The following CTNNA3 variants were observed in gnomAD, a reference collection of about 807,000 sequenced individuals.
The protein encoded by CTNNA3 is catenin alpha 3, also known as catenin alpha-3.
CTNNA3 carries 76 observed loss-of-function variants against 95.7 expected under a neutral mutation model. That is an observed-to-expected ratio of 0.79 (90% confidence interval 0.66 to 0.96). CTNNA3 has a LOEUF of 0.96. Ranked by LOEUF, CTNNA3 falls within the 40% of genes least tolerant of loss-of-function variation. CTNNA3 has a pLI of 0.00. For synonymous variants in CTNNA3, 431 were observed against 374.4 expected (o/e 1.15, Z -1.74); for missense variants, 1,191 against 1,089.8 (o/e 1.09, Z -1.31).
At chr10:66,870,888 C>CCTCA (rs1844374832) in intron 7 of CTNNA3, among the ~76,000 whole-genome samples, 1 of 151,898 alleles carries the variant, frequency 6.6e-6, no homozygotes, top group Admixed American at 6.6e-5. Flanking sequence ...TTTGGAACAC[C>CCTCA]CTCACCATTG....
intron 12 of CTNNA3, among the ~76,000 whole-genome samples, chr10:66,360,917 T>C (rs1346907504): frequency 8.8e-6 from 1 of 113,888 alleles, no homozygotes; most frequent in Non-Finnish European, 2.0e-5. Flanking sequence ...CTCTCTCTCT[T>C]TCTTCCTTTC....
chr10:67,278,645 T>C (rs1005843595), intron 5 of CTNNA3, among the ~76,000 whole-genome samples: 4 of 152,136 alleles, frequency 2.6e-5, no homozygotes, highest in African/African-American at 9.7e-5. Flanking sequence ...TTATCAGACC[T>C]AAAAACTTAC....
intron 10 of CTNNA3, among the ~76,000 whole-genome samples, chr10:66,603,559 A>C (rs1226862037): frequency 1.3e-5 from 2 of 152,164 alleles, no homozygotes; most frequent in Non-Finnish European, 2.9e-5. Context: ...AATATTAATG[A>C]TATTCTTCAG....
chr10:66,686,782 C>A (rs1406517502), intron 9 of CTNNA3, among the ~76,000 whole-genome samples: 1 of 151,994 alleles, frequency 6.6e-6, no homozygotes, highest in Non-Finnish European at 1.5e-5. Flanking sequence ...AGAGAGAAAC[C>A]AAATAAGGAC....
chr10:67,761,802 C>G (rs1485472247), intron 1 of CTNNA3, among the ~76,000 whole-genome samples: 2 of 151,366 alleles, frequency 1.3e-5, no homozygotes, highest in Non-Finnish European at 2.9e-5. Flanking sequence ...AGCATGAACC[C>G]ACGAGGCGGA....
At chr10:66,090,223 C>A (rs187453719) in intron 14 of CTNNA3, among the ~76,000 whole-genome samples, 90 of 152,004 alleles carry the variant, frequency 5.9e-4, no homozygotes, top group African/African-American at 2.0e-3. Flanking sequence ...GGACTTTGTA[C>A]ATAGGAGGAA....
intron 5 of CTNNA3, among the ~76,000 whole-genome samples, chr10:67,289,863 T>C (rs1839765031): frequency 6.6e-6 from 1 of 151,798 alleles, no homozygotes; most frequent in South Asian, 2.1e-4. Flanking sequence ...CATGATGGAG[T>C]GGAGTGGCTC....
intron 7 of CTNNA3, chr10:66,926,074 G>A (rs903584524): frequency 2.2e-6 from 1 of 457,582 alleles, no homozygotes; most frequent in Non-Finnish European, 4.4e-6. Context: ...GTCTGCAGAA[G>A]TGAGCTGAGC....
chr10:66,159,509 C>T (rs1223695978), intron 13 of CTNNA3, among the ~76,000 whole-genome samples: 1 of 151,842 alleles, frequency 6.6e-6, no homozygotes, highest in Non-Finnish European at 1.5e-5. Flanking sequence ...ATGAAACCCA[C>T]TTGATCATGG....
At chr10:66,982,374 G>T (rs1262561548) in intron 7 of CTNNA3, among the ~76,000 whole-genome samples, 2 of 152,118 alleles carry the variant, frequency 1.3e-5, no homozygotes, top group East Asian at 3.9e-4. Flanking sequence ...GGGTGACTCA[G>T]GCAAGTTACT....
chr10:67,563,559 T>C (rs150267244), intron 3 of CTNNA3, among the ~76,000 whole-genome samples: 2,582 of 152,200 alleles, frequency 0.017, 32 homozygotes, highest in Non-Finnish European at 0.026. Context: ...ACCTAGGCAT[T>C]ACCATTCAGG....
chr10:66,316,558 C>T (rs995538967), intron 12 of CTNNA3, among the ~76,000 whole-genome samples: 7 of 151,988 alleles, frequency 4.6e-5, no homozygotes, highest in East Asian at 1.9e-4. Flanking sequence ...CACACCCACA[C>T]TCACTCTGAT....
At position 66,171,142 on chromosome 10, in the gene CTNNA3, G is replaced by A. The variant is rs1284503005; in HGVS notation, c.1885-67893C>T. ...AGGAAGACTCTATCTCCAAAAAAAA[G>A]AAATATCTCACAATGACCTGAAAGA... On this transcript the variant is annotated intron_variant, in intron 13 of 17. Coordinates refer to ENST00000433211, the MANE Select transcript of CTNNA3 (RefSeq NM_013266.4). 2.0e-5 allele frequency among the ~76,000 whole-genome samples: 3 copies of A among 151,004 alleles called. No homozygotes were observed. In the East Asian group the frequency reaches 5.9e-4, roughly 30 times the overall value.
At chr10:67,402,242 G>T (rs754939777) in intron 5 of CTNNA3, among the ~76,000 whole-genome samples, 4 of 152,166 alleles carry the variant, frequency 2.6e-5, no homozygotes, top group Non-Finnish European at 5.9e-5. Flanking sequence ...CACTTAAAGA[G>T]AGACAAAAAC....
intron 15 of CTNNA3, among the ~76,000 whole-genome samples, chr10:65,993,971 C>G (rs749929755): frequency 1.3e-5 from 2 of 152,094 alleles, no homozygotes; most frequent in East Asian, 3.9e-4. Context: ...CCTGACCTCG[C>G]GATCTGCCCA....
chr10:67,013,946 A>G (rs1852492428), intron 7 of CTNNA3, among the ~76,000 whole-genome samples: 1 of 152,138 alleles, frequency 6.6e-6, no homozygotes, highest in African/African-American at 2.4e-5. Flanking sequence ...CAAGGTCTAA[A>G]AACCCACTAA....
At chr10:67,720,128 G>GTTTTTTTTTTTTTTTTTT (rs1564839853) in intron 1 of CTNNA3, among the ~76,000 whole-genome samples, 4 of 2,660 alleles carry the variant, frequency 1.5e-3, no homozygotes, top group Admixed American at 3.8e-3. Context: ...TGCAACCCCT[G>GTTTTTTTTTTTTTTTTTT]CTTTTTTTTT....
intron 9 of CTNNA3, among the ~76,000 whole-genome samples, chr10:66,742,289 G>C (rs1849352976): frequency 6.6e-6 from 1 of 152,162 alleles, no homozygotes; most frequent in Non-Finnish European, 1.5e-5. Flanking sequence ...AGGCTTATTA[G>C]GATCAGGAAA....
intron 2 of CTNNA3, among the ~76,000 whole-genome samples, chr10:67,616,639 A>AGTCCCC (rs1843666387): frequency 6.6e-6 from 1 of 152,208 alleles, no homozygotes; most frequent in Admixed American, 6.5e-5. Context: ...TGGAGGTAAT[A>AGTCCCC]TTTACTAGTT....
Sources: allele counts gnomAD v4.1 joint callset (sites outside exome capture counted in the v4.1 genomes callset), GRCh38; gene constraint gnomAD v4.1.1; transcripts MANE v1.5; gene names NCBI Gene and HGNC (gene_info 2026-07-23, HGNC 2026-07-21).